Variants in SLC35F1 observed in about 807,000 individuals in gnomAD.
SLC35F1 encodes the protein solute carrier family 35 member F1.
SLC35F1 carries 14 observed loss-of-function variants against 48.7 expected under a neutral mutation model. That is an observed-to-expected ratio of 0.29 (90% CI 0.19 to 0.45). SLC35F1 has a LOEUF of 0.45. Ranked by LOEUF, SLC35F1 falls within the 20% of genes least tolerant of loss-of-function variation. The probability of loss-of-function intolerance (pLI) is 1.00; values close to 1 mark genes in which losing one functional copy is unlikely to be tolerated. For missense variants in SLC35F1, 404 were observed against 500.0 expected (o/e 0.81, Z 1.83); for synonymous variants, 190 against 202.2 (o/e 0.94, Z 0.51).
chr6:118,092,351 G>A (rs1195125302), intron 1 of SLC35F1, among the ~76,000 whole-genome samples: 4 of 152,166 alleles, frequency 2.6e-5, no homozygotes, highest in Non-Finnish European at 5.9e-5. Flanking sequence ...AAGAACTTAG[G>A]TTTGGCAACC....
At chr6:118,236,774 C>T (rs879840517) in intron 3 of SLC35F1, among the ~76,000 whole-genome samples, 1 of 152,142 alleles carries the variant, frequency 6.6e-6, no homozygotes, top group African/African-American at 2.4e-5. Flanking sequence ...TGAGCCTGCC[C>T]GGTCACTTTA....
Position 117,926,649 on chromosome 6 carries a change from C to G in SLC35F1, c.173+18750C>G, listed in dbSNP as rs113320900. Among the ~76,000 whole-genome samples the G allele has an allele frequency of 1.0e-2, 1,520 of 152,174 alleles. 7 individuals are homozygous for G. The highest frequency in any genetic ancestry group is 0.015 in the Non-Finnish European group (1,020 of 67,988). On this transcript the variant is annotated intron_variant, in intron 1 of 7. Coordinates refer to ENST00000360388, the MANE Select transcript of SLC35F1 (RefSeq NM_001029858.4). Reference sequence around the variant, plus strand: ...ATGTGATGAATTCTGGGAAATGAAACAGGTTCAGATGGCTGCAGCCATATA... The same window carrying G: ...ATGTGATGAATTCTGGGAAATGAAAGAGGTTCAGATGGCTGCAGCCATATA...
At chr6:118,153,485 A>G (rs909945176) in intron 1 of SLC35F1, among the ~76,000 whole-genome samples, 9 of 152,208 alleles carry the variant, frequency 5.9e-5, no homozygotes. Flanking sequence ...GCTTGCTTCT[A>G]TTATATTACT....
chr6:118,238,073 C>CT (rs1775389056), intron 3 of SLC35F1, among the ~76,000 whole-genome samples: 1 of 152,156 alleles, frequency 6.6e-6, no homozygotes, highest in Non-Finnish European at 1.5e-5. Flanking sequence ...ATATTTCCCA[C>CT]TACAGATGTC....
At chr6:117,919,482 G>A (rs1018035142) in intron 1 of SLC35F1, among the ~76,000 whole-genome samples, 1 of 152,072 alleles carries the variant, frequency 6.6e-6, no homozygotes, top group Admixed American at 6.6e-5. Context: ...CTGGGTTTTC[G>A]TGGCTTTGCG....
intron 1 of SLC35F1, among the ~76,000 whole-genome samples, chr6:118,088,296 A>G (rs1415047050): frequency 6.6e-6 from 1 of 152,176 alleles, no homozygotes; most frequent in Non-Finnish European, 1.5e-5. Flanking sequence ...CTTGGTGAAG[A>G]GAGGCTACAA....
chr6:117,925,088 C>G (rs1776011492), intron 1 of SLC35F1, among the ~76,000 whole-genome samples: 1 of 152,110 alleles, frequency 6.6e-6, no homozygotes, highest in Non-Finnish European at 1.5e-5. Context: ...TGTTATCTCC[C>G]TTCTATCATT....
chr6:117,928,949 A>T (rs1330963176), intron 1 of SLC35F1, among the ~76,000 whole-genome samples: 1 of 152,094 alleles, frequency 6.6e-6, no homozygotes, highest in Non-Finnish European at 1.5e-5. Context: ...TAGTCTTAAA[A>T]ACTTGAGAAA....
intron 1 of SLC35F1, among the ~76,000 whole-genome samples, chr6:118,011,979 C>T (rs1406389919): frequency 2.0e-5 from 3 of 152,166 alleles, no homozygotes; most frequent in Non-Finnish European, 2.9e-5. Flanking sequence ...TCAGAATGAT[C>T]ACCTTATACA....
intron 7 of SLC35F1, among the ~76,000 whole-genome samples, chr6:118,288,466 G>T (rs1776078368): frequency 6.6e-6 from 1 of 152,180 alleles, no homozygotes. Flanking sequence ...TCACAGGTTA[G>T]ATTTAAACAT....
At chr6:118,098,514 G>A (rs370467792) in intron 1 of SLC35F1, among the ~76,000 whole-genome samples, 2 of 152,250 alleles carry the variant, frequency 1.3e-5, no homozygotes. Context: ...CCACCATGAG[G>A]ATACCCACTG....
intron 1 of SLC35F1, among the ~76,000 whole-genome samples, chr6:118,026,446 G>C (rs1771945606): frequency 6.6e-6 from 1 of 152,116 alleles, no homozygotes; most frequent in Non-Finnish European, 1.5e-5. Context: ...CTATTGTTTT[G>C]TTTTTAAATG....
chr6:118,001,473 G>C (rs567974428), intron 1 of SLC35F1, among the ~76,000 whole-genome samples: 2 of 152,162 alleles, frequency 1.3e-5, no homozygotes, highest in Admixed American at 1.3e-4. Flanking sequence ...AGACTTAAAC[G>C]TCAGATCTAA....
intron 2 of SLC35F1, among the ~76,000 whole-genome samples, chr6:118,227,073 C>A: frequency 6.6e-6 from 1 of 152,164 alleles, no homozygotes. Flanking sequence ...CGGAATGGCT[C>A]CACTGCCTTC....
At chr6:117,913,096 G>A (rs1253444380) in intron 1 of SLC35F1, among the ~76,000 whole-genome samples, 1 of 152,212 alleles carries the variant, frequency 6.6e-6, no homozygotes, top group Non-Finnish European at 1.5e-5. Flanking sequence ...TATGGAGCAT[G>A]TGAAAGTACC....
chr6:118,289,825 A>T (rs1337721782), intron 7 of SLC35F1, among the ~76,000 whole-genome samples: 1 of 152,226 alleles, frequency 6.6e-6, no homozygotes, highest in African/African-American at 2.4e-5. Context: ...CAGATTATGC[A>T]TCATATATGC....
chr6:117,974,470 T>G (rs765381105), intron 1 of SLC35F1, among the ~76,000 whole-genome samples: 3 of 152,216 alleles, frequency 2.0e-5, no homozygotes, highest in Non-Finnish European at 4.4e-5. Flanking sequence ...GCCTTTGAAC[T>G]CTGGAGCACA....
chr6:117,969,236 A>G (rs1461780811), intron 1 of SLC35F1, among the ~76,000 whole-genome samples: 1 of 152,234 alleles, frequency 6.6e-6, no homozygotes, highest in Non-Finnish European at 1.5e-5. Flanking sequence ...TTTTACCTGT[A>G]GGCTGAAACA....
chr6:118,256,205 GGTGTGTGTGT>G (rs71554895), intron 3 of SLC35F1, among the ~76,000 whole-genome samples: 1,642 of 143,184 alleles, frequency 0.011, 25 homozygotes, highest in African/African-American at 0.033. Flanking sequence ...GAAGACTTCT[GGTGTGTGTGT>G]GTGTGTGTGT....
Sources: gnomAD v4.1 joint callset for allele counts (sites outside exome capture counted in the v4.1 genomes callset) on GRCh38, gnomAD v4.1.1 for gene constraint, MANE v1.5 for transcripts, NCBI Gene and HGNC (gene_info 2026-07-23, HGNC 2026-07-21) for gene names.